Variants in MYO5B observed in about 807,000 individuals in gnomAD.
The protein encoded by MYO5B is unconventional myosin-Vb.
A neutral mutation model predicts 229.3 loss-of-function variants in MYO5B; 143 were observed. The observed-to-expected ratio is 0.62, with a 90% CI of 0.54 to 0.72. MYO5B has a LOEUF of 0.72. MYO5B is among the 30% of genes least tolerant of loss of function. MYO5B has a pLI of 0.00. For missense variants in MYO5B, 2,321 were observed against 2,331.0 expected (o/e 1.00, Z 0.09); for synonymous variants, 918 against 885.2 (o/e 1.04, Z -0.66).
chr18:50,113,929 G>C (rs1453644728), intron 1 of MYO5B, among the ~76,000 whole-genome samples: 1 of 152,170 alleles, frequency 6.6e-6, no homozygotes, highest in Admixed American at 6.5e-5. Flanking sequence ...TCATTTTATC[G>C]ATTTCCCAAG....
chr18:50,054,904 G>A (rs1011608550), intron 2 of MYO5B, among the ~76,000 whole-genome samples: 7 of 152,162 alleles, frequency 4.6e-5, no homozygotes, highest in Non-Finnish European at 1.0e-4. Context: ...TCCCAACCCA[G>A]GCAGGCTGGC....
chr18:49,954,764 G>A lies in MYO5B; in HGVS notation c.1546-329C>T, dbSNP rs1787583. ...GTCACAGCCTGCAGGACCACCTGAA[G>A]GTACTTCCCTGCAACTGGGGCTGTG... is the stretch of plus-strand genomic sequence containing the variant. On this transcript the variant is annotated intron_variant, in intron 12 of 39. Coordinates refer to ENST00000285039, the MANE Select transcript of MYO5B (RefSeq NM_001080467.3). 0.3 allele frequency among the ~76,000 whole-genome samples: 46,214 copies of A among 152,004 alleles called. 7,763 individuals are homozygous for A. Among genetic ancestry groups the A allele is most frequent in the African/African-American group, 0.44 (18,409 of 41,420 alleles).
intron 1 of MYO5B, among the ~76,000 whole-genome samples, chr18:50,162,618 G>A (rs2032783930): frequency 1.3e-5 from 2 of 152,142 alleles, no homozygotes; most frequent in African/African-American, 4.8e-5. Flanking sequence ...AAAGCAAACT[G>A]GGCGGCCCTG....
intron 5 of MYO5B, among the ~76,000 whole-genome samples, chr18:49,993,727 C>A (rs1268583544): frequency 6.6e-6 from 1 of 152,170 alleles, no homozygotes; most frequent in Non-Finnish European, 1.5e-5. Context: ...TCCTGAACAA[C>A]TTCAATGGGC....
chr18:50,141,752 A>G (rs764283241), intron 1 of MYO5B, among the ~76,000 whole-genome samples: 29 of 152,232 alleles, frequency 1.9e-4, no homozygotes, highest in Admixed American at 1.1e-3. Flanking sequence ...AGACCCAGGC[A>G]GCAAATGGCT....
chr18:49,960,406 G>A (rs78110867), intron 12 of MYO5B, among the ~76,000 whole-genome samples: 289 of 152,306 alleles, frequency 1.9e-3, no homozygotes, highest in African/African-American at 6.8e-3. Context: ...GCAAACCCAG[G>A]GGGATTCCCT....
chr18:50,162,127 C>T (rs534221503), intron 1 of MYO5B, among the ~76,000 whole-genome samples: 32 of 152,368 alleles, frequency 2.1e-4, no homozygotes, highest in African/African-American at 7.5e-4. Flanking sequence ...CTCCAATTCC[C>T]CTGTGCTCCA....
At chr18:49,953,948 C>T (rs189542288) in intron 13 of MYO5B, among the ~76,000 whole-genome samples, 8 of 34,266 alleles carry the variant, frequency 2.3e-4, no homozygotes, top group East Asian at 4.1e-4. Flanking sequence ...TATATATATA[C>T]AGACATGTGT....
intron 1 of MYO5B, among the ~76,000 whole-genome samples, chr18:50,103,032 C>T (rs947414401): frequency 6.6e-6 from 1 of 152,144 alleles, no homozygotes. Context: ...GAAACAGGCT[C>T]TGCTCTCTCC....
intron 19 of MYO5B, among the ~76,000 whole-genome samples, chr18:49,905,205 C>A (rs1228378950): frequency 6.6e-6 from 1 of 152,288 alleles, no homozygotes; most frequent in Middle Eastern, 3.4e-3. Flanking sequence ...GTCCTCTGTA[C>A]CTCCCCAGGC....
chr18:50,159,950 C>A lies in MYO5B; in HGVS notation c.27+34817G>T, dbSNP rs560206665. ...CCCTTGCAGAACAGGCACAGGCACA[C>A]AGACGCTCCACATGAACAACGTAGC... is the stretch of plus-strand genomic sequence containing the variant. On this transcript the variant is annotated intron_variant, in intron 1 of 39. Coordinates refer to ENST00000285039, the MANE Select transcript of MYO5B (RefSeq NM_001080467.3). Among the ~76,000 whole-genome samples, 3 of 152,350 alleles carry A rather than the reference C, an allele frequency of 2.0e-5. No individual in the cohort carries two copies. In the South Asian group the frequency reaches 6.2e-4, roughly 32 times the overall value.
intron 38 of MYO5B, 111 bp downstream of exon 38, chr18:49,836,600 A>C: frequency 7.8e-7 from 1 of 1,275,398 alleles, no homozygotes; most frequent in Non-Finnish European, 1.1e-6. Context: ...TTAGGGGTAT[A>C]TAAAGGGTGG....
intron 1 of MYO5B, among the ~76,000 whole-genome samples, chr18:50,166,872 T>C (rs1225237994): frequency 6.6e-6 from 1 of 152,230 alleles, no homozygotes; most frequent in Non-Finnish European, 1.5e-5. Context: ...TAACCAAGTA[T>C]ATAACATTTT....
chr18:50,146,696 C>G (rs904504169), intron 1 of MYO5B, among the ~76,000 whole-genome samples: 1 of 152,236 alleles, frequency 6.6e-6, no homozygotes, highest in Non-Finnish European at 1.5e-5. Context: ...TAACCCAGTG[C>G]TAAGACTCAA....
chr18:49,904,568 A>G, intron 20 of MYO5B, 104 bp downstream of exon 20: 1 of 1,439,394 alleles, frequency 6.9e-7, no homozygotes, highest in Non-Finnish European at 9.7e-7. Flanking sequence ...AGCATTTAGA[A>G]AAAAGTTGGG....
intron 27 of MYO5B, chr18:49,871,813 C>A: frequency 2.9e-6 from 1 of 341,634 alleles, no homozygotes; most frequent in Non-Finnish European, 5.6e-6. Context: ...ACTCACCTCC[C>A]ACTGTTCTAC....
At chr18:49,907,471 G>T (rs2024912301) in intron 18 of MYO5B, among the ~76,000 whole-genome samples, 1 of 152,194 alleles carries the variant, frequency 6.6e-6, no homozygotes, top group African/African-American at 2.4e-5. Flanking sequence ...ACCCAGCAGG[G>T]TTCCTGTGGA....
At chr18:50,190,915 T>C (rs1343116051) in intron 1 of MYO5B, among the ~76,000 whole-genome samples, 1 of 152,248 alleles carries the variant, frequency 6.6e-6, no homozygotes, top group Non-Finnish European at 1.5e-5. Flanking sequence ...GGGTAATTAT[T>C]TCCATCATAC....
chr18:50,011,764 C>G (rs2026162960), intron 4 of MYO5B, among the ~76,000 whole-genome samples: 1 of 152,008 alleles, frequency 6.6e-6, no homozygotes, highest in Non-Finnish European at 1.5e-5. Flanking sequence ...AATTCTATGC[C>G]CTACTCAATC....
Sources: allele counts gnomAD v4.1 joint callset (sites outside exome capture counted in the v4.1 genomes callset), GRCh38; gene constraint gnomAD v4.1.1; transcripts MANE v1.5; gene names NCBI Gene and HGNC (gene_info 2026-07-23, HGNC 2026-07-21).